FBXO4: variants seen among roughly 807,000 people sequenced by gnomAD.
The protein encoded by FBXO4 is F-box protein 4.
A neutral mutation model predicts 43.7 loss-of-function variants in FBXO4; 36 were observed. That is an observed-to-expected ratio of 0.82 (90% CI 0.63 to 1.09). The LOEUF (loss-of-function observed/expected upper bound fraction) is 1.09, where lower values mean the gene tolerates loss of function less well. FBXO4 is among the 50% of genes least tolerant of loss of function. FBXO4 has a pLI of 0.00. For synonymous variants in FBXO4, 180 were observed against 165.6 expected (o/e 1.09, Z -0.67); for missense variants, 435 against 474.1 (o/e 0.92, Z 0.77).
chr5:41,987,526 G>A, the FBXO4 span, among the ~76,000 whole-genome samples: 1 of 152,126 alleles, frequency 6.6e-6, no homozygotes, highest in Non-Finnish European at 1.5e-5. Flanking sequence ...TAAGCTCCTT[G>A]TGAGGAATAT....
intron 6 of FBXO4, 79 bp downstream of exon 6, chr5:41,939,695 C>A: frequency 8.3e-7 from 1 of 1,198,740 alleles, no homozygotes; most frequent in Non-Finnish European, 1.1e-6. Flanking sequence ...TTAAATTCAT[C>A]TTCTTTAATG....
chr5:41,925,373 C>A lies in FBXO4; in HGVS notation c.64C>A (p.Arg22Ser). Residue 22 changes from arginine (R) to serine (S), a missense_variant, in exon 1 of 7, where the codon CGC (arginine) becomes AGC (serine). Arg to Ser is a moderately radical substitution (Grantham distance 110). Transcript: ENST00000281623. Reference sequence around the variant, plus strand: ...GCCGCCGCCCTTCAGCGACTGGGGCCGCCTGGAGGCGGCCATCCTCAGCGG... The same window carrying A: ...GCCGCCGCCCTTCAGCGACTGGGGCAGCCTGGAGGCGGCCATCCTCAGCGG... Reference protein sequence around the residue: ...SPPPPFSDWGRLEAAILSGWK... With the variant: ...SPPPPFSDWGSLEAAILSGWK... The A allele has an allele frequency of 7.3e-7, 1 of 1,375,748 alleles. No homozygotes were observed. The highest frequency in any genetic ancestry group is 9.4e-7 in the Non-Finnish European group (1 of 1,060,582). 85.2% of individuals were successfully genotyped at this position (1,375,748 alleles called of 1,614,324 possible). A position where few individuals can be genotyped will look rare whatever the true frequency, so the allele number is the denominator to read the frequency against.
At chr5:41,973,966 A>T in the FBXO4 span, among the ~76,000 whole-genome samples, 1 of 152,006 alleles carries the variant, frequency 6.6e-6, no homozygotes, top group African/African-American at 2.4e-5. Flanking sequence ...GAAAGTCTTT[A>T]TTTTTCTATT....
chr5:41,969,582 T>G, the FBXO4 span, among the ~76,000 whole-genome samples: 1 of 152,202 alleles, frequency 6.6e-6, no homozygotes, highest in East Asian at 1.9e-4. Flanking sequence ...GAATATTTCA[T>G]AATTCATGCA....
At chr5:42,000,914 C>T in the FBXO4 span, among the ~76,000 whole-genome samples, 4 of 152,008 alleles carry the variant, frequency 2.6e-5, no homozygotes, top group Admixed American at 6.6e-5. Context: ...CTGGGGTCTC[C>T]GTTCTGTTTC....
the FBXO4 span, among the ~76,000 whole-genome samples, chr5:42,013,309 T>G: frequency 6.6e-6 from 1 of 152,056 alleles, no homozygotes; most frequent in African/African-American, 2.4e-5. Context: ...AAAGAAAGGT[T>G]TCTATAGCCA....
chr5:41,999,492 T>TACAC, the FBXO4 span, among the ~76,000 whole-genome samples: 3 of 52,658 alleles, frequency 5.7e-5, no homozygotes, highest in African/African-American at 2.6e-4. Flanking sequence ...TATATATATA[T>TACAC]ACATATATAT....
chr5:41,930,778 C>T (rs1221424686), intron 3 of FBXO4, among the ~76,000 whole-genome samples: 2 of 151,914 alleles, frequency 1.3e-5, no homozygotes, highest in African/African-American at 4.8e-5. Flanking sequence ...CACCATTCTC[C>T]CGAGTAGCTG....
the FBXO4 span, among the ~76,000 whole-genome samples, chr5:41,989,144 T>C: frequency 6.6e-6 from 1 of 152,176 alleles, no homozygotes; most frequent in Non-Finnish European, 1.5e-5. Context: ...CCAGTGAACC[T>C]GATATATCCC....
the FBXO4 span, among the ~76,000 whole-genome samples, chr5:41,984,819 C>T: frequency 6.6e-6 from 1 of 152,080 alleles, no homozygotes; most frequent in African/African-American, 2.4e-5. Flanking sequence ...CCTAGCTTTC[C>T]TTCTATGCAT....
At chr5:42,023,107 GAA>G in the FBXO4 span, among the ~76,000 whole-genome samples, 1 of 152,054 alleles carries the variant, frequency 6.6e-6, no homozygotes, top group Non-Finnish European at 1.5e-5. Context: ...GGACTGTGGT[GAA>G]AAGAGAAGTG....
the FBXO4 span, among the ~76,000 whole-genome samples, chr5:41,957,420 T>C: frequency 2.7e-5 from 4 of 148,026 alleles, no homozygotes; most frequent in African/African-American, 9.8e-5. Context: ...ATTATACTTA[T>C]ATAATACGAT....
the FBXO4 span, among the ~76,000 whole-genome samples, chr5:41,969,822 C>T: frequency 6.6e-6 from 1 of 151,954 alleles, no homozygotes; most frequent in Admixed American, 6.6e-5. Context: ...TGCAGTCATG[C>T]CCCCAAAGCT....
At chr5:41,980,355 C>T in the FBXO4 span, among the ~76,000 whole-genome samples, 1 of 152,148 alleles carries the variant, frequency 6.6e-6, no homozygotes, top group Non-Finnish European at 1.5e-5. Flanking sequence ...GTTATCATTT[C>T]TCCATATTCC....
At chr5:42,025,732 A>G in the FBXO4 span, among the ~76,000 whole-genome samples, 1 of 151,878 alleles carries the variant, frequency 6.6e-6, no homozygotes, top group African/African-American at 2.4e-5. Flanking sequence ...GGAGAGAGAG[A>G]GGAGTCTAGT....
chr5:41,950,761 C>T, the FBXO4 span, among the ~76,000 whole-genome samples: 2 of 152,198 alleles, frequency 1.3e-5, no homozygotes, highest in Non-Finnish European at 1.5e-5. Flanking sequence ...GACACATGCA[C>T]ACATATGTTT....
the FBXO4 span, among the ~76,000 whole-genome samples, chr5:42,023,218 A>T: frequency 2.0e-5 from 3 of 152,230 alleles, no homozygotes; most frequent in Admixed American, 2.0e-4. Context: ...TGAGATTCAT[A>T]GTTCATAGAT....
the FBXO4 span, among the ~76,000 whole-genome samples, chr5:41,978,440 T>C: frequency 6.6e-6 from 1 of 151,924 alleles, no homozygotes; most frequent in Non-Finnish European, 1.5e-5. Context: ...ATGAAGAAAA[T>C]ATAGAAAGAA....
chr5:42,008,558 A>G, the FBXO4 span, among the ~76,000 whole-genome samples: 2 of 152,168 alleles, frequency 1.3e-5, no homozygotes, highest in Non-Finnish European at 1.5e-5. Flanking sequence ...GTGCCTACAG[A>G]CATGTCTAAC....
Sources: allele counts gnomAD v4.1 joint callset (sites outside exome capture counted in the v4.1 genomes callset), GRCh38; gene constraint gnomAD v4.1.1; transcripts MANE v1.5; gene names NCBI Gene and HGNC (gene_info 2026-07-23, HGNC 2026-07-21).